NIBAN1: variants seen among roughly 807,000 people sequenced by gnomAD.
NIBAN1 encodes the protein protein Niban 1.
In NIBAN1, 81 loss-of-function variants were observed where a neutral mutation model predicts 75.1. That is an observed-to-expected ratio of 1.08 (90% CI 0.90 to 1.30). The LOEUF is 1.30. Ranked by LOEUF, NIBAN1 falls within the 50% of genes most tolerant of loss-of-function variation. The pLI, the probability that NIBAN1 is intolerant of heterozygous loss-of-function variation, is 0.00. For missense variants in NIBAN1, 1,133 were observed against 1,128.1 expected, an observed-to-expected ratio of 1.00 and a Z score of -0.06; for synonymous variants, 436 against 424.8, an observed-to-expected ratio of 1.03 and a Z score of -0.32.
At chr1:184,896,026 C>A (rs1355792199) in intron 2 of NIBAN1, among the ~76,000 whole-genome samples, 6 of 152,104 alleles carry the variant, frequency 3.9e-5, no homozygotes, top group African/African-American at 1.4e-4. Context: ...TAAACACACA[C>A]ATACAGGAGT....
chr1:184,925,291 A>G (rs1359481847), intron 1 of NIBAN1, among the ~76,000 whole-genome samples: 4 of 151,930 alleles, frequency 2.6e-5, no homozygotes, highest in Non-Finnish European at 4.4e-5. Context: ...TTTTCAGCCT[A>G]TGTGTGTCAT....
At chr1:184,890,257 T>C (rs1242026762) in intron 3 of NIBAN1, 35 bp from the exon 4 acceptor site, 1 of 1,515,472 alleles carries the variant, frequency 6.6e-7, no homozygotes, top group Admixed American at 1.7e-5. Context: ...ATGATATCTT[T>C]TTCCCCATTT....
intron 1 of NIBAN1, among the ~76,000 whole-genome samples, chr1:184,968,468 A>G (rs1041374359): frequency 1.3e-5 from 2 of 152,162 alleles, no homozygotes; most frequent in African/African-American, 2.4e-5. Context: ...AAAGTGATCA[A>G]TATGCATTTG....
At chr1:184,796,203 C>T (rs1455781804) in intron 13 of NIBAN1, 106 bp from the exon 14 acceptor site, 3 of 1,258,134 alleles carry the variant, frequency 2.4e-6, no homozygotes, top group Non-Finnish European at 3.2e-6. Context: ...CAAGACCCAG[C>T]TTACATCCAG....
At chr1:184,829,958 A>G (rs929101223) in intron 6 of NIBAN1, among the ~76,000 whole-genome samples, 8 of 152,316 alleles carry the variant, frequency 5.3e-5, no homozygotes, top group African/African-American at 9.6e-5. Context: ...TTGCCTTTGC[A>G]TTTGTCCACT....
intron 5 of NIBAN1, among the ~76,000 whole-genome samples, chr1:184,875,490 G>A (rs565464276): frequency 1.1e-3 from 166 of 152,280 alleles, no homozygotes; most frequent in African/African-American, 3.6e-3. Flanking sequence ...CCAGAGGGAC[G>A]CTCATGTATT....
At position 184,793,589 on chromosome 1, in the gene NIBAN1, G is replaced by A. The variant is rs1017968412; in HGVS notation, c.*1388C>T. 2.6e-5 allele frequency: 4 copies of A among 152,098 alleles called. No individual in the cohort carries two copies. Among genetic ancestry groups the A allele is most frequent in the Non-Finnish European group, 4.4e-5 (3 of 68,010 alleles). The allele number at this position is 152,098 out of a possible 1,614,324, so 9.4% of individuals were successfully genotyped here. ...AGAATAAAATAAAATAAAAAGTCGG[G>A]GAGGGAAACCACGATGTAATACTTG... On this transcript the variant is annotated 3_prime_UTR_variant, in exon 14 of 14. Coordinates refer to ENST00000367511, the MANE Select transcript of NIBAN1 (RefSeq NM_052966.4).
intron 6 of NIBAN1, among the ~76,000 whole-genome samples, chr1:184,827,096 G>A (rs967799739): frequency 2.0e-5 from 3 of 151,992 alleles, no homozygotes; most frequent in Admixed American, 6.6e-5. Context: ...TGTAAGATGC[G>A]CCTTTCACCT....
intron 1 of NIBAN1, among the ~76,000 whole-genome samples, chr1:184,974,050 C>G (rs1015997749): frequency 3.3e-5 from 5 of 152,170 alleles, no homozygotes; most frequent in Non-Finnish European, 7.4e-5. Flanking sequence ...GCGGGAGCGG[C>G]GAAGGCGCCG....
intron 6 of NIBAN1, among the ~76,000 whole-genome samples, chr1:184,828,538 C>T (rs1654908473): frequency 6.6e-6 from 1 of 152,168 alleles, no homozygotes; most frequent in African/African-American, 2.4e-5. Context: ...TACTGTTATG[C>T]ACCATGTCTT....
chr1:184,830,493 G>GA (rs1370912021), intron 6 of NIBAN1, among the ~76,000 whole-genome samples: 9 of 149,652 alleles, frequency 6.0e-5, no homozygotes, highest in African/African-American at 7.3e-5. Context: ...CTACCAGACA[G>GA]AAAAAAAAAG....
At chr1:184,934,292 G>T (rs968740784) in intron 1 of NIBAN1, among the ~76,000 whole-genome samples, 1 of 152,106 alleles carries the variant, frequency 6.6e-6, no homozygotes. Context: ...CATAAAGATG[G>T]CAACAATAGA....
chr1:184,866,643 T>C (rs1655965091), intron 5 of NIBAN1, among the ~76,000 whole-genome samples: 1 of 152,182 alleles, frequency 6.6e-6, no homozygotes, highest in South Asian at 2.1e-4. Flanking sequence ...ATTCCTGACC[T>C]GGTAAAAAAT....
Position 184,794,923 on chromosome 1 carries a change from C to G in NIBAN1, c.*54G>C, listed in dbSNP as rs1653795281. The G allele has an allele frequency of 6.3e-7, 1 of 1,599,698 alleles. No homozygotes were observed. Among genetic ancestry groups the G allele is most frequent in the Admixed American group, 1.7e-5 (1 of 59,994 alleles). On this transcript the variant is annotated 3_prime_UTR_variant, in exon 14 of 14. Transcript: ENST00000367511. ...AGCTTGCATGCAACCCCTAAGTGTA[C>G]CCCTATAACCCTTTGGCTTTTTTCA...
chr1:184,965,203 G>A (rs1489789895), intron 1 of NIBAN1, among the ~76,000 whole-genome samples: 1 of 152,014 alleles, frequency 6.6e-6, no homozygotes, highest in East Asian at 1.9e-4. Context: ...AGAGGCTGAC[G>A]CAGGAGAATG....
chr1:184,908,457 C>G (rs867392448), intron 1 of NIBAN1, among the ~76,000 whole-genome samples: 4 of 152,138 alleles, frequency 2.6e-5, no homozygotes, highest in Middle Eastern at 3.2e-3. Context: ...AACACACTAC[C>G]ATTTCATGTT....
At chr1:184,864,704 TC>T (rs1408925675) in intron 5 of NIBAN1, among the ~76,000 whole-genome samples, 1 of 151,658 alleles carries the variant, frequency 6.6e-6, no homozygotes, top group East Asian at 1.9e-4. Context: ...CTAACAAAGG[TC>T]TAATATTCAG....
Position 184,823,796 on chromosome 1 carries a change from G to T in NIBAN1, c.718-54C>A, listed in dbSNP as rs146791043. ...GTCAGTCGGTGATGGCTACATCTGA[G>T]CATCAGGCCAACTAAAAATGTCCTG... is the stretch of plus-strand genomic sequence containing the variant. On this transcript the variant is annotated intron_variant, in intron 6 of 13. Coordinates refer to ENST00000367511, the MANE Select transcript of NIBAN1 (RefSeq NM_052966.4). 273 of 1,473,586 alleles carry T rather than the reference G, an allele frequency of 1.9e-4. 2 individuals are homozygous for T. In the South Asian group the frequency reaches 3.0e-3, roughly 16 times the overall value. The allele number at this position is 1,473,586 out of a possible 1,614,324, so 91.3% of individuals were successfully genotyped here.
chr1:184,863,045 T>TATTA (rs1410859422), intron 5 of NIBAN1, among the ~76,000 whole-genome samples: 22 of 152,148 alleles, frequency 1.4e-4, no homozygotes, highest in African/African-American at 4.8e-4. Flanking sequence ...CACCAGGTTT[T>TATTA]ATTAGTTTAA....
Sources: gnomAD v4.1 joint callset for allele counts (sites outside exome capture counted in the v4.1 genomes callset) on GRCh38, gnomAD v4.1.1 for gene constraint, MANE v1.5 for transcripts, NCBI Gene and HGNC (gene_info 2026-07-23, HGNC 2026-07-21) for gene names.